The following CCDC91 variants were observed in gnomAD, a reference collection of about 807,000 sequenced individuals.
CCDC91 encodes coiled-coil domain-containing protein 91.
CCDC91 carries 48 observed loss-of-function variants against 63.2 expected under a neutral mutation model. The observed-to-expected ratio is 0.76, with a 90% CI of 0.60 to 0.97. The LOEUF is 0.97. Among genes scored for constraint, CCDC91 ranks in the 50% least tolerant of loss-of-function variants. The probability of loss-of-function intolerance (pLI) is 0.00; values close to 1 mark genes in which losing one functional copy is unlikely to be tolerated. For missense variants in CCDC91, 500 were observed against 494.6 expected, an observed-to-expected ratio of 1.01 and a Z score of -0.10; for synonymous variants, 167 against 165.8, an observed-to-expected ratio of 1.01 and a Z score of -0.06.
At chr12:28,299,480 A>G (rs1233088082) in intron 3 of CCDC91, among the ~76,000 whole-genome samples, 1 of 151,464 alleles carries the variant, frequency 6.6e-6, no homozygotes, top group African/African-American at 2.4e-5. Context: ...TTGCAAGTTC[A>G]TTTGTTGTTC....
chr12:28,481,857 GTAT>G, intron 11 of CCDC91, among the ~76,000 whole-genome samples: 1 of 151,968 alleles, frequency 6.6e-6, no homozygotes, highest in South Asian at 2.1e-4. Flanking sequence ...AACTGAGAAG[GTAT>G]TAATAATATA....
chr12:28,373,818 C>T (rs1427781266), intron 7 of CCDC91, among the ~76,000 whole-genome samples: 2 of 152,016 alleles, frequency 1.3e-5, no homozygotes, highest in African/African-American at 2.4e-5. Context: ...GGTGCAGTTT[C>T]CCCCATGTTG....
chr12:28,371,546 C>T (rs1944622765), intron 7 of CCDC91, among the ~76,000 whole-genome samples: 1 of 152,148 alleles, frequency 6.6e-6, no homozygotes, highest in Non-Finnish European at 1.5e-5. Flanking sequence ...TAAAGTTTGT[C>T]TCTTGTACAA....
At chr12:28,491,331 A>G (rs1184211641) in intron 12 of CCDC91, among the ~76,000 whole-genome samples, 2 of 151,802 alleles carry the variant, frequency 1.3e-5, no homozygotes, top group Non-Finnish European at 2.9e-5. Context: ...AGGTAGATCA[A>G]AAAAGTTGTG....
intron 1 of CCDC91, among the ~76,000 whole-genome samples, chr12:28,211,940 T>TAATTTCTGG (rs1036520522): frequency 1.3e-4 from 20 of 152,342 alleles, no homozygotes; most frequent in Non-Finnish European, 2.2e-4. Context: ...CCTAGCCAGT[T>TAATTTCTGG]AATTTCTGGA....
chr12:28,403,329 A>C (rs1305633898), intron 8 of CCDC91, among the ~76,000 whole-genome samples: 2 of 152,140 alleles, frequency 1.3e-5, no homozygotes, highest in Non-Finnish European at 2.9e-5. Context: ...GCTGTAACAA[A>C]ATACTATAAA....
At chr12:28,203,702 C>T (rs1942633997) in intron 1 of CCDC91, among the ~76,000 whole-genome samples, 1 of 152,062 alleles carries the variant, frequency 6.6e-6, no homozygotes, top group Admixed American at 6.6e-5. Flanking sequence ...TGAAAGAGAT[C>T]TGATAAGGTA....
chr12:28,370,446 G>T (rs888292148), intron 7 of CCDC91, among the ~76,000 whole-genome samples: 1 of 152,184 alleles, frequency 6.6e-6, no homozygotes, highest in African/African-American at 2.4e-5. Context: ...GACCACCTCA[G>T]CGTGGGCTTC....
chr12:28,399,477 A>G (rs1304181254), intron 8 of CCDC91, among the ~76,000 whole-genome samples: 1 of 152,098 alleles, frequency 6.6e-6, no homozygotes, highest in East Asian at 1.9e-4. Context: ...CCACTCCCAA[A>G]TCTCTTGACT....
intron 1 of CCDC91, among the ~76,000 whole-genome samples, chr12:28,202,098 GTTTC>G (rs1418641801): frequency 6.6e-6 from 1 of 151,288 alleles, no homozygotes; most frequent in Non-Finnish European, 1.5e-5. Context: ...CACAATGTTT[GTTTC>G]TTTATTTTGT....
chr12:28,515,439 C>G (rs1057282189), intron 12 of CCDC91, among the ~76,000 whole-genome samples: 1 of 151,770 alleles, frequency 6.6e-6, no homozygotes, highest in African/African-American at 2.4e-5. Flanking sequence ...AATAATGTAG[C>G]CCTGTTGGTA....
chr12:28,301,841 C>T (rs960639052), intron 3 of CCDC91, among the ~76,000 whole-genome samples: 2 of 151,688 alleles, frequency 1.3e-5, no homozygotes, highest in Non-Finnish European at 3.0e-5. Flanking sequence ...ACTTAGAAGT[C>T]TGTAGAAGAG....
chr12:28,483,918 T>G (rs1224088396), intron 11 of CCDC91, 134 bp from the exon 12 acceptor site: 1 of 511,968 alleles, frequency 2.0e-6, no homozygotes, highest in Non-Finnish European at 3.5e-6. Context: ...TGTAAGTTCT[T>G]ATTCCTGTGT....
intron 12 of CCDC91, among the ~76,000 whole-genome samples, chr12:28,501,833 T>G (rs2141138209): frequency 6.6e-6 from 1 of 151,408 alleles, no homozygotes; most frequent in South Asian, 2.1e-4. Context: ...ATCCATCTGG[T>G]CCTGGACTCT....
intron 8 of CCDC91, among the ~76,000 whole-genome samples, chr12:28,402,840 A>C (rs1428195184): frequency 6.6e-6 from 1 of 152,082 alleles, no homozygotes; most frequent in African/African-American, 2.4e-5. Flanking sequence ...GTTTGCTGAG[A>C]GTTTTTAATC....
intron 3 of CCDC91, among the ~76,000 whole-genome samples, chr12:28,275,801 G>A (rs1324065978): frequency 6.6e-6 from 1 of 152,158 alleles, no homozygotes; most frequent in Non-Finnish European, 1.5e-5. Flanking sequence ...TCCCTGGGAT[G>A]CAAGGCTGTT....
chr12:28,537,689 C>T (rs1368826904), intron 12 of CCDC91, among the ~76,000 whole-genome samples: 1 of 152,166 alleles, frequency 6.6e-6, no homozygotes, highest in Non-Finnish European at 1.5e-5. Flanking sequence ...TTTTTCTATT[C>T]TTAGCATTGA....
At position 28,279,616 on chromosome 12, in the gene CCDC91, A is replaced by T. The variant is rs547294869; in HGVS notation, c.109+20174A>T. Among the ~76,000 whole-genome samples the T allele has an allele frequency of 2.1e-4, 32 of 152,230 alleles. No individual in the cohort carries two copies. The South Asian group carries it at 6.2e-3, about 30-fold the overall frequency. On this transcript the variant is annotated intron_variant, in intron 3 of 12. Coordinates refer to ENST00000536442, the MANE Select transcript of CCDC91 (RefSeq NM_018318.5). ...TCCCACTCCTCACTTTCCTGACTCA[A>T]CTTTTGGTCCTCCAGCTCTTTCAAT...
chr12:28,367,114 CA>C (rs1286816768), intron 7 of CCDC91, among the ~76,000 whole-genome samples: 1 of 151,902 alleles, frequency 6.6e-6, no homozygotes, highest in African/African-American at 2.4e-5. Context: ...GAATGAAAAC[CA>C]AAAAGGACAA....
Sources: allele counts gnomAD v4.1 joint callset (sites outside exome capture counted in the v4.1 genomes callset), GRCh38; gene constraint gnomAD v4.1.1; transcripts MANE v1.5; gene names NCBI Gene and HGNC (gene_info 2026-07-23, HGNC 2026-07-21).